PTPN23: variants seen among roughly 807,000 people sequenced by gnomAD.
PTPN23 encodes the protein protein tyrosine phosphatase non-receptor type 23.
PTPN23 carries 72 observed loss-of-function variants against 156.3 expected under a neutral mutation model. The ratio of observed to expected loss-of-function variants is 0.46; its 90% CI spans 0.38 to 0.56. The LOEUF is 0.56. Ranked by LOEUF, PTPN23 falls within the 20% of genes least tolerant of loss-of-function variation. PTPN23 has a pLI of 0.00. For missense variants in PTPN23, 1,974 were observed against 2,171.5 expected, an observed-to-expected ratio of 0.91 and a Z score of 1.81; for synonymous variants, 957 against 899.6, an observed-to-expected ratio of 1.06 and a Z score of -1.14.
In PTPN23 at chr3:47,406,882, G is replaced by A. The variant is rs1705138979; in HGVS notation, c.807+132G>A. On this transcript the variant is annotated intron_variant, in intron 9 of 24. Transcript: ENST00000265562. The surrounding 1 kb of genome is among the most constrained non-coding windows in gnomAD (Gnocchi z 5.8). ...TGGCCATCACCCTGCTGGAGGCCTG[G>A]TGTCTTAAGTGTTGTCCCATCTGTG... is the stretch of plus-strand genomic sequence containing the variant. The A allele has an allele frequency of 7.9e-7, 1 of 1,269,922 alleles. No homozygotes were observed. Among genetic ancestry groups the A allele is most frequent in the Non-Finnish European group, 1.1e-6 (1 of 905,170 alleles). 78.7% of individuals were successfully genotyped at this position (1,269,922 alleles called of 1,614,324 possible).
chr3:47,382,415 G>A (rs1290568574), intron 1 of PTPN23, among the ~76,000 whole-genome samples: 1 of 150,546 alleles, frequency 6.6e-6, no homozygotes, highest in Non-Finnish European at 1.5e-5. Context: ...TCAGCCTCCC[G>A]GGTTTAAGCG....
chr3:47,408,636 T>C, intron 15 of PTPN23, 140 bp from the exon 16 acceptor site: 1 of 1,411,826 alleles, frequency 7.1e-7, no homozygotes, highest in Non-Finnish European at 9.6e-7. Flanking sequence ...TGAATCAGCA[T>C]ACCTCTTGCA....
rs1405891194 is a variant in PTPN23, at chr3:47,412,511, C to T, written c.4318-3C>T. On this transcript the variant is annotated splice_polypyrimidine_tract_variant and splice_region_variant and intron_variant, in intron 23 of 24. Transcript: ENST00000265562. ...GCTGACCTGGCCAAATGCACCTGTG[C>T]AGCTGCACCTCAGGTTCTGCTATGA... 4 of 1,612,882 alleles carry T rather than the reference C, an allele frequency of 2.5e-6. No homozygotes were observed. The highest frequency in any genetic ancestry group is 2.5e-6 in the Non-Finnish European group (3 of 1,179,710).
chr3:47,404,406 TC>T (rs1205903472), intron 2 of PTPN23, among the ~76,000 whole-genome samples: 5 of 84,516 alleles, frequency 5.9e-5, no homozygotes, highest in African/African-American at 1.7e-4. Flanking sequence ...AGAATGAGAC[TC>T]TTTTTTTTTT....
chr3:47,408,291 T>C (rs1705177753), intron 14 of PTPN23, 54 bp from the exon 15 acceptor site: 1 of 1,585,278 alleles, frequency 6.3e-7, no homozygotes, highest in Non-Finnish European at 8.6e-7. Flanking sequence ...TCCTTTGACA[T>C]GGTCAGAGTT....
At chr3:47,384,111 C>T (rs1559517035) in intron 1 of PTPN23, among the ~76,000 whole-genome samples, 2 of 146,250 alleles carry the variant, frequency 1.4e-5, no homozygotes. Flanking sequence ...AAGAGACAGC[C>T]TTTTTTTTTT....
intron 1 of PTPN23, among the ~76,000 whole-genome samples, chr3:47,382,919 AC>A (rs1467983489): frequency 6.7e-6 from 1 of 148,202 alleles, no homozygotes; most frequent in African/African-American, 2.5e-5. Flanking sequence ...CGATCTCCCG[AC>A]CCGTGATCCA....
intron 2 of PTPN23, among the ~76,000 whole-genome samples, chr3:47,398,564 G>GTTT (rs869164190): frequency 7.0e-6 from 1 of 143,100 alleles, no homozygotes. Flanking sequence ...TAAACTTAAA[G>GTTT]TTTTTTTTTT....
At position 47,405,681 on chromosome 3, in the gene PTPN23, C is replaced by T; in HGVS notation, c.365-68C>T. On this transcript the variant is annotated intron_variant, in intron 4 of 24. Coordinates refer to ENST00000265562, the MANE Select transcript of PTPN23 (RefSeq NM_015466.4). The surrounding 1 kb of genome is among the most constrained non-coding windows in gnomAD (Gnocchi z 4.7). Reference sequence around the variant, plus strand: ...CCTGATTGTGGATAACAGCAGTGCCCCCTCTGTCTCACCTTCACATGGGTG... The same window carrying T: ...CCTGATTGTGGATAACAGCAGTGCCTCCTCTGTCTCACCTTCACATGGGTG... 4 of 1,487,510 alleles carry T rather than the reference C, an allele frequency of 2.7e-6. No homozygotes were observed. Among genetic ancestry groups the T allele is most frequent in the Non-Finnish European group, 3.7e-6 (4 of 1,087,530 alleles). 92.1% of individuals were successfully genotyped at this position (1,487,510 alleles called of 1,614,324 possible). A position where few individuals can be genotyped will look rare whatever the true frequency, so the allele number is the denominator to read the frequency against.
In PTPN23 at chr3:47,411,848, G is replaced by A; in HGVS notation, c.3954G>A (p.Leu1318=). Reference sequence around the variant, plus strand: ...CCATGGTGCACGGTGCCCTGAGCCTGGCATTGAGCAGCGTCCGCAGCACCG... The same window carrying A: ...CCATGGTGCACGGTGCCCTGAGCCTAGCATTGAGCAGCGTCCGCAGCACCG... The part of the protein sequence containing the change: ...GQPMVHGALS[L]ALSSVRSTET... Residue 1318 remains leucine, a synonymous_variant, in exon 21 of 25, where the codon CTG becomes CTA. Transcript: ENST00000265562. The surrounding 1 kb of genome is among the most constrained non-coding windows in gnomAD (Gnocchi z 6.3). 1 of 1,612,816 alleles carries A rather than the reference G, an allele frequency of 6.2e-7. No individual in the cohort carries two copies. Among genetic ancestry groups the A allele is most frequent in the South Asian group, 1.1e-5 (1 of 91,054 alleles).
rs750451776 is a variant in PTPN23, at chr3:47,410,429, T to TCAC, written c.2632_2633insACC (p.Val877_Arg878insHis). The TCAC allele has an allele frequency of 2.2e-5, 36 of 1,611,448 alleles. No homozygotes were observed. The highest frequency in any genetic ancestry group is 3.1e-5 in the Non-Finnish European group (36 of 1,179,390). ...CAGGCCCCGAGTTGGCCATGGCGGT[T>TCAC]CGGCCAGCCACCACCACAGTAGATA... On this transcript the variant is annotated inframe_insertion, in exon 20 of 25. Coordinates refer to ENST00000265562, the MANE Select transcript of PTPN23 (RefSeq NM_015466.4).
chr3:47,394,280 C>G (rs1704834496), intron 1 of PTPN23, among the ~76,000 whole-genome samples: 4 of 152,158 alleles, frequency 2.6e-5, no homozygotes. Context: ...AGGCTGGGGT[C>G]ACTGGCATGA....
Position 47,409,280 on chromosome 3 carries a change from C to T in PTPN23, c.1760C>T (p.Thr587Ile), listed in dbSNP as rs747035091. The T allele has an allele frequency of 2.5e-6, 4 of 1,614,012 alleles. No individual in the cohort carries two copies. In the African/African-American group the frequency reaches 4.0e-5, roughly 16 times the overall value. ...LRELIQKDDI[T>I]ASLVTTDHSE... is the part of the protein sequence containing the mutation. ...GAGCTTATCCAGAAAGATGACATCA[C>T]TGCCTCGCTGGTCACCACAGACCAC... Residue 587 changes from threonine (T) to isoleucine (I), a missense_variant, in exon 17 of 25, where the codon ACT (threonine) becomes ATT (isoleucine). Coordinates refer to ENST00000265562, the MANE Select transcript of PTPN23 (RefSeq NM_015466.4).
At chr3:47,386,386 G>A (rs546429373) in intron 1 of PTPN23, among the ~76,000 whole-genome samples, 20 of 152,160 alleles carry the variant, frequency 1.3e-4, no homozygotes, top group African/African-American at 4.8e-4. Context: ...GGCTGGTCTC[G>A]AACTCCTGAC....
At chr3:47,408,521 G>A (rs747764898) in intron 15 of PTPN23, 31 bp downstream of exon 15, 2 of 1,592,898 alleles carry the variant, frequency 1.3e-6, no homozygotes, top group South Asian at 1.1e-5. Context: ...GCAGGTGGAA[G>A]GGAGTGTGGA....
Position 47,412,819 on chromosome 3 carries a change from C to T in PTPN23, c.4545C>T (p.Ser1515=). Reference sequence around the variant, plus strand: ...TTCGGCCTCCTGGGGGGTTGGAGTCCCCGGTTGCCAGCTTGCCAGGCCCTG... The same window carrying T: ...TTCGGCCTCCTGGGGGGTTGGAGTCTCCGGTTGCCAGCTTGCCAGGCCCTG... ...LSIRPPGGLE[S]PVASLPGPAE... Residue 1515 remains serine (S), a synonymous_variant, in exon 25 of 25, where the codon TCC becomes TCT. Coordinates refer to ENST00000265562, the MANE Select transcript of PTPN23 (RefSeq NM_015466.4). 2 of 1,613,542 alleles carry T rather than the reference C, an allele frequency of 1.2e-6. No homozygotes were observed. Among genetic ancestry groups the T allele is most frequent in the Non-Finnish European group, 1.7e-6 (2 of 1,179,948 alleles).
At position 47,404,646 on chromosome 3, in the gene PTPN23, C is replaced by T. The variant is rs563223123; in HGVS notation, c.160-6C>T. The T allele has an allele frequency of 3.1e-6, 5 of 1,613,376 alleles. No homozygotes were observed. Among genetic ancestry groups the T allele is most frequent in the Non-Finnish European group, 4.2e-6 (5 of 1,179,532 alleles). On this transcript the variant is annotated splice_polypyrimidine_tract_variant and splice_region_variant and intron_variant, in intron 2 of 24. Transcript: ENST00000265562. ...ACAGGCCTGCTTCTCCCATCCTGCC[C>T]CCCAGAATGCTGTCCGTGTCCCACG...
chr3:47,390,835 G>A (rs1704758988), intron 1 of PTPN23, among the ~76,000 whole-genome samples: 1 of 152,184 alleles, frequency 6.6e-6, no homozygotes, highest in Admixed American at 6.5e-5. Flanking sequence ...AGAGTTGTTT[G>A]TAAGAACCAT....
Position 47,411,789 on chromosome 3 carries a change from G to A in PTPN23, c.3895G>A (p.Val1299Met). 6.3e-7 allele frequency: 1 copy of A among 1,598,406 alleles called. No individual in the cohort carries two copies. Among genetic ancestry groups the A allele is most frequent in the African/African-American group, 1.4e-5 (1 of 73,976 alleles). ...VSEAEMEKQK[V>M]ARYFPTERGQ... ...TGGCTTATCTGTCCCTCAGCAAAAAGTGGCACGCTACTTCCCCACCGAGAG... is the reference window on the plus strand; with the variant it reads ...TGGCTTATCTGTCCCTCAGCAAAAAATGGCACGCTACTTCCCCACCGAGAG... The change falls in exon 21 of 25, where the codon GTG (valine) becomes ATG (methionine). Residue 1299 changes from valine (V) to methionine (M), a missense_variant. Transcript: ENST00000265562. This position sits in a 1 kb window ranked among gnomAD's most constrained non-coding sequence, Gnocchi z 6.3.
Sources: allele counts gnomAD v4.1 joint callset (sites outside exome capture counted in the v4.1 genomes callset), GRCh38; gene constraint gnomAD v4.1.1; non-coding constraint Gnocchi (gnomAD v3.1); transcripts MANE v1.5; gene names NCBI Gene and HGNC (gene_info 2026-07-23, HGNC 2026-07-21).